The following FERMT2 variants were observed in gnomAD, a reference collection of about 807,000 sequenced individuals.
The protein encoded by FERMT2 is FERM domain containing kindlin 2.
FERMT2 carries 15 observed loss-of-function variants against 82.7 expected under a neutral mutation model. The observed-to-expected ratio is 0.18, with a 90% CI of 0.12 to 0.28. FERMT2 has a LOEUF of 0.28. Among genes scored for constraint, FERMT2 ranks in the 10% least tolerant of loss-of-function variants. The probability of loss-of-function intolerance (pLI) is 1.00; values close to 1 mark genes in which losing one functional copy is unlikely to be tolerated. For synonymous variants in FERMT2, 274 were observed against 271.5 expected, an observed-to-expected ratio of 1.01 and a Z score of -0.09; for missense variants, 645 against 809.4, an observed-to-expected ratio of 0.80 and a Z score of 2.46.
At chr14:52,881,716 T>C in intron 4 of FERMT2, 1 of 1,266,944 alleles carries the variant, frequency 7.9e-7, no homozygotes, top group South Asian at 1.4e-5. Flanking sequence ...AAAAAATCAG[T>C]TCAAGAGAAT....
chr14:52,859,848 T>C (rs1026037987), intron 13 of FERMT2, 134 bp from the exon 14 acceptor site: 38 of 490,080 alleles, frequency 7.8e-5, no homozygotes, highest in East Asian at 1.1e-4. Context: ...GACGGAGTCT[T>C]GCTCTGTTGC....
chr14:52,935,234 A>C (rs993777031), intron 2 of FERMT2, among the ~76,000 whole-genome samples: 2 of 152,230 alleles, frequency 1.3e-5, no homozygotes, highest in Non-Finnish European at 2.9e-5. Flanking sequence ...TAAACTTCAA[A>C]GTTTACATAT....
chr14:52,950,175 G>C (rs887111157), intron 2 of FERMT2, among the ~76,000 whole-genome samples: 3 of 152,112 alleles, frequency 2.0e-5, no homozygotes, highest in Non-Finnish European at 4.4e-5. Context: ...ACGCAATTAA[G>C]GTTATAATTG....
intron 2 of FERMT2, among the ~76,000 whole-genome samples, chr14:52,935,779 G>C (rs945410446): frequency 6.6e-6 from 1 of 152,150 alleles, no homozygotes; most frequent in Non-Finnish European, 1.5e-5. Flanking sequence ...GAAAACTGGG[G>C]AATTCACTCT....
intron 4 of FERMT2, among the ~76,000 whole-genome samples, chr14:52,888,802 T>C (rs532656723): frequency 2.6e-5 from 4 of 152,354 alleles, no homozygotes; most frequent in African/African-American, 4.8e-5. Context: ...ATGACTCTGA[T>C]TGCCACTACT....
At chr14:52,950,797 T>C (rs1258967150) in intron 1 of FERMT2, 124 bp downstream of exon 1, 4 of 422,884 alleles carry the variant, frequency 9.5e-6, no homozygotes, top group Admixed American at 4.6e-5. Flanking sequence ...CCCCACACCG[T>C]CCCCGCCTAG....
Position 52,902,184 on chromosome 14 carries a change from G to A in FERMT2, c.392-8757C>T, listed in dbSNP as rs867693000. Among the ~76,000 whole-genome samples the A allele has an allele frequency of 2.0e-5, 3 of 152,102 alleles. No homozygotes were observed. The South Asian group carries it at 6.2e-4, about 32-fold the overall frequency. ...GAGGTGGGTGGATCACTTGAGGTCA[G>A]GAATTCAAGATCAGCCTGGCCAACA... On this transcript the variant is annotated intron_variant, in intron 3 of 14. Coordinates refer to ENST00000341590, the MANE Select transcript of FERMT2 (RefSeq NM_006832.3).
At chr14:52,863,791 G>A (rs1885096555) in intron 12 of FERMT2, 1 of 152,136 alleles carries the variant, frequency 6.6e-6, no homozygotes, top group Non-Finnish European at 1.5e-5. Flanking sequence ...TACAGATTTT[G>A]TTGAGAAATG....
intron 13 of FERMT2, 106 bp from the exon 14 acceptor site, chr14:52,859,820 CT>C (rs1318328371): frequency 0.12 from 51,296 of 425,916 alleles, 2 homozygotes; most frequent in East Asian, 0.16. Context: ...GAGTACTATT[CT>C]TTTTTTTTTT....
chr14:52,946,360 T>TAA lies in FERMT2; in HGVS notation c.157+4050_157+4051dup, dbSNP rs527900617. On this transcript the variant is annotated intron_variant, in intron 2 of 14. Transcript: ENST00000341590. Reference sequence around the variant, plus strand: ...TACACGTTTGAAATTTGTCTTTGATTAAAAAAAAAAAAACAGGCATGGCAG... The same window carrying TAA: ...TACACGTTTGAAATTTGTCTTTGATTAAAAAAAAAAAAAAACAGGCATGGCAG... Among the ~76,000 whole-genome samples, 954 of 143,650 alleles carry TAA rather than the reference T, an allele frequency of 6.6e-3. 11 individuals are homozygous for TAA. The highest frequency in any genetic ancestry group is 0.023 in the African/African-American group (899 of 39,284). 94.2% of individuals were successfully genotyped at this position (143,650 alleles called of 152,430 possible). A position where few individuals can be genotyped will look rare whatever the true frequency, so the allele number is the denominator to read the frequency against.
At chr14:52,941,076 C>T (rs1471421767) in intron 2 of FERMT2, among the ~76,000 whole-genome samples, 2 of 152,122 alleles carry the variant, frequency 1.3e-5, no homozygotes, top group South Asian at 2.1e-4. Context: ...AACCCAAATG[C>T]CCTTCAATTG....
chr14:52,892,332 G>C (rs1886987637), intron 4 of FERMT2, among the ~76,000 whole-genome samples: 1 of 151,888 alleles, frequency 6.6e-6, no homozygotes, highest in African/African-American at 2.4e-5. Context: ...AGTCAAGATG[G>C]GGTTTCACCA....
Position 52,859,637 on chromosome 14 carries a change from T to C in FERMT2, c.1805A>G (p.Asp602Gly). The C allele has an allele frequency of 6.2e-7, 1 of 1,612,418 alleles. No homozygotes were observed. The highest frequency in any genetic ancestry group is 8.5e-7 in the Non-Finnish European group (1 of 1,179,116). Residue 602 changes from aspartate (D) to glycine (G), a missense_variant, in exon 14 of 15, where the codon GAT becomes GGT. Transcript: ENST00000341590. ...GCTGAAACGCCATGTTTTAATTGCA[T>C]CTCCAGTGCTGGCATCCATCCGAAT... ...RLIRMDASTGDAIKTWRFSNM... is the reference protein window; with the variant it reads ...RLIRMDASTGGAIKTWRFSNM...
chr14:52,939,617 T>A (rs1890004963), intron 2 of FERMT2, among the ~76,000 whole-genome samples: 1 of 152,178 alleles, frequency 6.6e-6, no homozygotes, highest in Non-Finnish European at 1.5e-5. Flanking sequence ...ATTTTCCAGA[T>A]GAGGAACCAG....
chr14:52,934,326 A>T (rs1889737099), intron 2 of FERMT2, among the ~76,000 whole-genome samples: 1 of 152,234 alleles, frequency 6.6e-6, no homozygotes, highest in Admixed American at 6.5e-5. Flanking sequence ...GTGTTTATTT[A>T]GTGTACTGTA....
intron 3 of FERMT2, among the ~76,000 whole-genome samples, chr14:52,911,567 C>T (rs527887516): frequency 6.1e-4 from 93 of 151,760 alleles, no homozygotes; most frequent in African/African-American, 2.1e-3. Flanking sequence ...AGGAGAATGG[C>T]GTGAACCCGG....
intron 2 of FERMT2, among the ~76,000 whole-genome samples, chr14:52,937,168 A>T (rs1009854682): frequency 2.0e-5 from 3 of 152,128 alleles, no homozygotes; most frequent in Non-Finnish European, 2.9e-5. Flanking sequence ...TCTTAAAATA[A>T]TAATAATAAT....
chr14:52,864,305 G>C (rs1332039984), intron 12 of FERMT2, 96 bp downstream of exon 12: 2 of 777,072 alleles, frequency 2.6e-6, no homozygotes, highest in Non-Finnish European at 4.3e-6. Context: ...ACAAAATTAA[G>C]ACTAAAAAGT....
intron 2 of FERMT2, among the ~76,000 whole-genome samples, chr14:52,933,604 G>A (rs1889691515): frequency 6.6e-6 from 1 of 151,010 alleles, no homozygotes; most frequent in African/African-American, 2.4e-5. Flanking sequence ...CAGCTACTTG[G>A]GAGGCTGAAG....
Sources: gnomAD v4.1 joint callset for allele counts (sites outside exome capture counted in the v4.1 genomes callset) on GRCh38, gnomAD v4.1.1 for gene constraint, MANE v1.5 for transcripts, NCBI Gene and HGNC (gene_info 2026-07-23, HGNC 2026-07-21) for gene names.